DYDC2: variants seen among roughly 807,000 people sequenced by gnomAD.
DYDC2 encodes the protein DPY30 domain containing 2.
Under a neutral mutation model 18.7 loss-of-function variants are expected in DYDC2, and 19 were observed. That is an observed-to-expected ratio of 1.02 (90% CI 0.71 to 1.49). The LOEUF (loss-of-function observed/expected upper bound fraction) is 1.49, where lower values mean the gene tolerates loss of function less well. DYDC2 is among the 40% of genes most tolerant of loss of function. The probability of loss-of-function intolerance (pLI) is 0.00; values close to 1 mark genes in which losing one functional copy is unlikely to be tolerated. For missense variants in DYDC2, 179 were observed against 205.1 expected (o/e 0.87, Z 0.78); for synonymous variants, 63 against 67.6 (o/e 0.93, Z 0.34).
upstream of DYDC2, among the ~76,000 whole-genome samples, chr10:80,352,970 G>A (rs929943021): frequency 6.6e-6 from 1 of 152,118 alleles, no homozygotes; most frequent in Non-Finnish European, 1.5e-5. Flanking sequence ...GTGGGAAGAT[G>A]AGCAAGCCCA....
At chr10:80,345,864 T>G (rs780440989) in intron 1 of DYDC2, among the ~76,000 whole-genome samples, 2 of 152,202 alleles carry the variant, frequency 1.3e-5, no homozygotes, top group Non-Finnish European at 2.9e-5. Context: ...GAAATACATC[T>G]TACGTTTTTT....
At chr10:80,364,915 A>T (rs1319785193) in intron 4 of DYDC2, among the ~76,000 whole-genome samples, 1 of 152,256 alleles carries the variant, frequency 6.6e-6, no homozygotes, top group Non-Finnish European at 1.5e-5. Flanking sequence ...ATAAAGGACA[A>T]AGAGGCACAG....
chr10:80,366,635 T>G, intron 4 of DYDC2, 53 bp from the exon 5 acceptor site: 1 of 1,537,934 alleles, frequency 6.5e-7, no homozygotes, highest in African/African-American at 1.4e-5. Context: ...CCATACATCT[T>G]GTGTGCTTTA....
At chr10:80,348,660 A>G (rs767993902) in intron 1 of DYDC2, among the ~76,000 whole-genome samples, 2 of 152,246 alleles carry the variant, frequency 1.3e-5, no homozygotes, top group Non-Finnish European at 2.9e-5. Context: ...TAACTATGCA[A>G]TTAAGAAGCT....
chr10:80,360,874 C>T (rs1467812932), intron 2 of DYDC2, among the ~76,000 whole-genome samples: 1 of 151,874 alleles, frequency 6.6e-6, no homozygotes, highest in Admixed American at 6.6e-5. Flanking sequence ...ATCCTCCCAC[C>T]TCAGCCCTGC....
At chr10:80,357,756 G>T in intron 1 of DYDC2, 137 bp from the exon 2 acceptor site, 1 of 978,422 alleles carries the variant, frequency 1.0e-6, no homozygotes, top group Non-Finnish European at 1.2e-6. Context: ...TTATGGGCGG[G>T]GCAGTGCCAG....
chr10:80,358,535 G>A (rs1241649841), intron 2 of DYDC2, among the ~76,000 whole-genome samples: 1 of 152,150 alleles, frequency 6.6e-6, no homozygotes, highest in African/African-American at 2.4e-5. Flanking sequence ...TTTAGAGTAG[G>A]GGGAGGTATG....
chr10:80,347,063 G>A (rs564984067), intron 1 of DYDC2, among the ~76,000 whole-genome samples: 9 of 151,412 alleles, frequency 5.9e-5, no homozygotes, highest in Non-Finnish European at 1.2e-4. Context: ...CTGGGTGAAA[G>A]AGCGAGACTC....
rs1843883155 is a variant in DYDC2, at chr10:80,367,822, A to G, written c.*871A>G. 1 of 152,242 alleles carries G rather than the reference A, an allele frequency of 6.6e-6. No homozygotes were observed. Among genetic ancestry groups the G allele is most frequent in the Admixed American group, 6.5e-5 (1 of 15,288 alleles). 9.4% of individuals were successfully genotyped at this position (152,242 alleles called of 1,614,324 possible). A position where few individuals can be genotyped will look rare whatever the true frequency, so the allele number is the denominator to read the frequency against. On this transcript the variant is annotated 3_prime_UTR_variant, in exon 5 of 5. Coordinates refer to ENST00000256039, the MANE Select transcript of DYDC2 (RefSeq NM_032372.6). ...TCAATTTTAGTAACTGGTAAAATAC[A>G]TGTAAGATGTACCATCTTAACCATT...
chr10:80,345,590 C>T (rs904227298), intron 1 of DYDC2, among the ~76,000 whole-genome samples: 1 of 152,136 alleles, frequency 6.6e-6, no homozygotes, highest in Admixed American at 6.5e-5. Flanking sequence ...TCCAGGCCTA[C>T]CCCCACTCCA....
chr10:80,353,070 C>A (rs1445553558), upstream of DYDC2, among the ~76,000 whole-genome samples: 1 of 152,008 alleles, frequency 6.6e-6, no homozygotes, highest in African/African-American at 2.4e-5. Context: ...TTCCAAAACC[C>A]TAACCCTAAA....
chr10:80,365,107 C>T (rs895706629), intron 4 of DYDC2, among the ~76,000 whole-genome samples: 3 of 152,172 alleles, frequency 2.0e-5, no homozygotes, highest in Non-Finnish European at 4.4e-5. Context: ...ACCTGATGAA[C>T]TGATATGCAT....
At chr10:80,363,511 ATTT>A (rs1554848200) in intron 4 of DYDC2, among the ~76,000 whole-genome samples, 2 of 140,438 alleles carry the variant, frequency 1.4e-5, no homozygotes, top group Non-Finnish European at 1.5e-5. Flanking sequence ...CGCCCGGCTA[ATTT>A]TTTTTTTTTT....
upstream of DYDC2, among the ~76,000 whole-genome samples, chr10:80,352,269 T>C (rs989476462): frequency 6.6e-6 from 1 of 152,210 alleles, no homozygotes; most frequent in Admixed American, 6.5e-5. Flanking sequence ...AGGAATTACC[T>C]AAAAATCTAA....
At chr10:80,359,044 G>A (rs552512991) in intron 2 of DYDC2, among the ~76,000 whole-genome samples, 45 of 152,252 alleles carry the variant, frequency 3.0e-4, no homozygotes, top group African/African-American at 8.4e-4. Context: ...AGTGTGGAAG[G>A]GAACCCAGAG....
intron 4 of DYDC2, among the ~76,000 whole-genome samples, chr10:80,365,425 G>A (rs570737930): frequency 4.7e-4 from 71 of 152,316 alleles, no homozygotes; most frequent in South Asian, 4.1e-4. Flanking sequence ...TGAGTCAGAA[G>A]AAAACTATTG....
intron 1 of DYDC2, among the ~76,000 whole-genome samples, chr10:80,348,232 T>C (rs549454904): frequency 8.5e-5 from 13 of 152,332 alleles, no homozygotes; most frequent in African/African-American, 2.9e-4. Flanking sequence ...AATAAGATTG[T>C]TTTCTTGGTT....
intron 1 of DYDC2, among the ~76,000 whole-genome samples, chr10:80,357,530 C>G (rs1396552694): frequency 1.3e-5 from 2 of 152,058 alleles, no homozygotes; most frequent in African/African-American, 2.4e-5. Flanking sequence ...TTCCAGAGTC[C>G]CTGGAAGACC....
upstream of DYDC2, chr10:80,356,653 C>T: frequency 1.0e-6 from 1 of 984,548 alleles, no homozygotes; most frequent in Non-Finnish European, 1.2e-6. Flanking sequence ...GCCCGCCGGA[C>T]CCAGCGAAGC....
Sources: allele counts gnomAD v4.1 joint callset (sites outside exome capture counted in the v4.1 genomes callset), GRCh38; gene constraint gnomAD v4.1.1; transcripts MANE v1.5; gene names NCBI Gene and HGNC (gene_info 2026-07-23, HGNC 2026-07-21).